The following H2BC5 variants were observed in gnomAD, a reference collection of about 807,000 sequenced individuals.
H2BC5 encodes the protein histone H2B type 1-D.
In H2BC5, 9 loss-of-function variants were observed where a neutral mutation model predicts 5.7. The observed-to-expected ratio is 1.57, with a 90% CI of 0.95 to 2.74. The LOEUF (loss-of-function observed/expected upper bound fraction) is 2.74. Among genes scored for constraint, H2BC5 ranks in the 30% most tolerant of loss-of-function variants. The pLI is 0.00. For missense variants in H2BC5, 175 were observed against 168.8 expected (o/e 1.04, Z -0.20); for synonymous variants, 133 against 70.9 (o/e 1.88, Z -4.40).
In H2BC5 at chr6:26,158,276, AG is replaced by A. The variant is rs776530524; in HGVS notation, c.108del (p.Ser37AlafsTer10). 1.9e-6 allele frequency: 3 copies of A among 1,614,258 alleles called. No homozygotes were observed. The East Asian group carries it at 6.7e-5, about 36-fold the overall frequency. ...DGKKRKRSRK[E>X]SYSVYVYKVL... ...AAGAAGCGCAAGCGCAGCCGCAAGG[AG>A]AGCTATTCAGTGTATGTGTACAAGG... On this transcript the variant is annotated frameshift_variant, in exon 1 of 1. Transcript: ENST00000377777. LOFTEE classifies it high-confidence loss of function.
At chr6:26,167,206 C>G (rs1411649562) in intron 1 of H2BC5, among the ~76,000 whole-genome samples, 1 of 152,096 alleles carries the variant, frequency 6.6e-6, no homozygotes, top group Non-Finnish European at 1.5e-5. Context: ...CTACTTCATA[C>G]CCACTATCCT....
intron 1 of H2BC5, among the ~76,000 whole-genome samples, chr6:26,164,642 A>G (rs1242746771): frequency 6.6e-6 from 1 of 151,718 alleles, no homozygotes; most frequent in Non-Finnish European, 1.5e-5. Context: ...GTTCATCTGG[A>G]TTACCAAAAT....
Position 26,158,280 on chromosome 6 carries a change from C to T in H2BC5, c.111C>T (p.Ser37=), listed in dbSNP as rs1180448664. The change falls in exon 1 of 1, where the codon AGC becomes AGT. Residue 37 remains serine, a synonymous_variant. Coordinates refer to ENST00000377777, the MANE Select transcript of H2BC5 (RefSeq NM_021063.4). Reference sequence around the variant, plus strand: ...AGCGCAAGCGCAGCCGCAAGGAGAGCTATTCAGTGTATGTGTACAAGGTGC... The same window carrying T: ...AGCGCAAGCGCAGCCGCAAGGAGAGTTATTCAGTGTATGTGTACAAGGTGC... ...GKKRKRSRKE[S]YSVYVYKVLK... is the part of the protein sequence containing the mutation. 5 of 1,614,224 alleles carry T rather than the reference C, an allele frequency of 3.1e-6. No homozygotes were observed. The highest frequency in any genetic ancestry group is 4.2e-6 in the Non-Finnish European group (5 of 1,180,042).
downstream of H2BC5, among the ~76,000 whole-genome samples, chr6:26,160,514 G>GA (rs34183291): frequency 0.039 from 2,140 of 54,848 alleles, 152 homozygotes; most frequent in African/African-American, 0.12. Flanking sequence ...TCCTGTCTCT[G>GA]AAAAAAAAAA....
At chr6:26,166,997 G>A (rs926505576) in intron 1 of H2BC5, among the ~76,000 whole-genome samples, 20 of 149,830 alleles carry the variant, frequency 1.3e-4, no homozygotes, top group African/African-American at 2.2e-4. Context: ...CACCGTGCCC[G>A]GCCTCTTTTT....
chr6:26,161,728 C>T (rs573644982), downstream of H2BC5, among the ~76,000 whole-genome samples: 1 of 152,240 alleles, frequency 6.6e-6, no homozygotes, highest in South Asian at 2.1e-4. Flanking sequence ...GCCATGATCA[C>T]ACCACTGCAC....
rs572839631 is a variant in H2BC5 at position 26,168,468 on chromosome 6, A to T, written c.*10-2507A>T. Among the ~76,000 whole-genome samples the T allele has an allele frequency of 1.1e-4, 17 of 152,106 alleles. No homozygotes were observed. The East Asian group carries it at 2.9e-3, about 26-fold the overall frequency. ...ACCAAAACTCCATTTTTTAAAAAAA[A>T]AAAATAAATAAATTAGTAAAAATAA... On this transcript the variant is annotated intron_variant, in intron 1 of 1. Transcript: ENST00000289316.
rs145696834 is a variant in H2BC5 at position 26,166,331 on chromosome 6, C to G, written c.*10-4644C>G. On this transcript the variant is annotated intron_variant, in intron 1 of 1. Transcript: ENST00000289316. Reference sequence around the variant, plus strand: ...TCTCAAACCATGGTCTCTGCTATGACAGTGGAATCTGAGGCCTTTCCCTGC... The same window carrying G: ...TCTCAAACCATGGTCTCTGCTATGAGAGTGGAATCTGAGGCCTTTCCCTGC... Among the ~76,000 whole-genome samples the G allele has an allele frequency of 4.4e-3, 672 of 152,336 alleles. 3 individuals are homozygous for G. The highest frequency in any genetic ancestry group is 7.4e-3 in the Non-Finnish European group (504 of 68,028).
chr6:26,168,895 A>G (rs1382001057), intron 1 of H2BC5, among the ~76,000 whole-genome samples: 1 of 152,256 alleles, frequency 6.6e-6, no homozygotes, highest in East Asian at 1.9e-4. Context: ...CTGTAAAGCA[A>G]TTCTCTAGTG....
intron 1 of H2BC5, among the ~76,000 whole-genome samples, chr6:26,165,045 C>G (rs547149394): frequency 6.6e-6 from 1 of 152,240 alleles, no homozygotes; most frequent in Admixed American, 6.5e-5. Flanking sequence ...ATTTATGTTT[C>G]TCTGACCTTT....
chr6:26,161,651 G>A (rs552613852), downstream of H2BC5, among the ~76,000 whole-genome samples: 1 of 151,754 alleles, frequency 6.6e-6, no homozygotes, highest in Non-Finnish European at 1.5e-5. Context: ...GCGTGCTTGT[G>A]GTCCCAGCTA....
downstream of H2BC5, among the ~76,000 whole-genome samples, chr6:26,160,333 A>C (rs981877201): frequency 2.0e-5 from 3 of 152,122 alleles, no homozygotes; most frequent in Non-Finnish European, 4.4e-5. Flanking sequence ...ATATCCCCCC[A>C]AAAATGCACA....
At chr6:26,158,708 AAATAACTTGGAAGTTACAGGG>A, downstream of H2BC5, 1 of 1,220,050 alleles carries the variant, frequency 8.2e-7, no homozygotes, top group Non-Finnish European at 1.1e-6. Context: ...ACTGCAGAGG[AAATAACTTGGAAGTTACAGGG>A]AATAACAATA....
At chr6:26,170,418 A>T (rs889245326) in intron 1 of H2BC5, among the ~76,000 whole-genome samples, 1 of 152,196 alleles carries the variant, frequency 6.6e-6, no homozygotes, top group Non-Finnish European at 1.5e-5. Flanking sequence ...AAAGTGCACA[A>T]ATATCTATAA....
At chr6:26,170,202 C>T (rs1764497177) in intron 1 of H2BC5, among the ~76,000 whole-genome samples, 1 of 152,156 alleles carries the variant, frequency 6.6e-6, no homozygotes, top group African/African-American at 2.4e-5. Flanking sequence ...TCATTCTTAA[C>T]TTGCTGTATG....
At chr6:26,166,692 CTTTTTTTTTTT>C (rs139697089) in intron 1 of H2BC5, among the ~76,000 whole-genome samples, 1 of 90,162 alleles carries the variant, frequency 1.1e-5, no homozygotes, top group Non-Finnish European at 2.1e-5. Context: ...ATACTTTTGG[CTTTTTTTTTTT>C]TTTTTTTTTT....
chr6:26,159,673 G>A (rs886896901), downstream of H2BC5, among the ~76,000 whole-genome samples: 1 of 152,102 alleles, frequency 6.6e-6, no homozygotes, highest in African/African-American at 2.4e-5. Context: ...GGCTGAGAGG[G>A]AGAATTTAAG....
At chr6:26,160,884 CAG>C (rs1764341103), downstream of H2BC5, 3 of 133,628 alleles carry the variant, frequency 2.2e-5, no homozygotes, top group Admixed American at 2.3e-4. Flanking sequence ...AAAAAAAAAA[CAG>C]ACTCGAATTG....
chr6:26,164,030 G>T (rs1561969907), intron 1 of H2BC5: 1 of 438,316 alleles, frequency 2.3e-6, no homozygotes, highest in East Asian at 6.1e-5. Context: ...AATAGTAAAA[G>T]AACTTATTGA....
Sources: allele counts gnomAD v4.1 joint callset (sites outside exome capture counted in the v4.1 genomes callset), GRCh38; gene constraint gnomAD v4.1.1; transcripts MANE v1.5; gene names NCBI Gene and HGNC (gene_info 2026-07-23, HGNC 2026-07-21).